Variants in KIF26A observed in about 807,000 individuals in gnomAD.
KIF26A encodes kinesin-like protein KIF26A.
In KIF26A, 74 loss-of-function variants were observed where a neutral mutation model predicts 126.0. That is an observed-to-expected ratio of 0.59 (90% CI 0.49 to 0.71). KIF26A has a LOEUF of 0.71. Among genes scored for constraint, KIF26A ranks in the 30% least tolerant of loss-of-function variants. The probability of loss-of-function intolerance (pLI) is 0.00; values close to 1 mark genes in which losing one functional copy is unlikely to be tolerated. For synonymous variants in KIF26A, 1,445 were observed against 1,232.7 expected (o/e 1.17, Z -3.61); for missense variants, 2,984 against 2,763.3 (o/e 1.08, Z -1.79).
intron 5 of KIF26A, among the ~76,000 whole-genome samples, chr14:104,167,724 G>A (rs2037920335): frequency 6.6e-6 from 1 of 152,270 alleles, no homozygotes; most frequent in East Asian, 1.9e-4. Context: ...GAGTCAGGTG[G>A]GCTCTTTGTG....
Position 104,175,852 on chromosome 14 carries a change from C to A in KIF26A, c.3064C>A (p.Arg1022=). 1.3e-6 allele frequency: 2 copies of A among 1,539,062 alleles called. No homozygotes were observed. The highest frequency in any genetic ancestry group is 2.4e-5 in the South Asian group (2 of 84,162). Residue 1022 remains arginine, a synonymous_variant, in exon 12 of 15, where the codon CGG becomes AGG. Transcript: ENST00000423312. ...GCTCACCACCACAGTGACCCTGCAG[C>A]GGCCAGTGGAGCTCAACGGCGAGGA... ...GLLTTTVTLQ[R]PVELNGEDEL...
At chr14:104,143,972 G>A (rs1024475050) in intron 2 of KIF26A, among the ~76,000 whole-genome samples, 1 of 152,188 alleles carries the variant, frequency 6.6e-6, no homozygotes, top group Admixed American at 6.5e-5. Context: ...CGTGGAGCTC[G>A]GAGCTCCCAG....
chr14:104,155,291 G>C lies in KIF26A; in HGVS notation c.736-2464G>C, dbSNP rs562040967. Among the ~76,000 whole-genome samples, 15 of 152,332 alleles carry C rather than the reference G, an allele frequency of 9.8e-5. No homozygotes were observed. The South Asian group carries it at 2.7e-3, about 27-fold the overall frequency. ...TTTGGGCCTGGAGGGCTCCTAAGAA[G>C]AGAGTTAGCTTGGCATTTCCTAAAC... On this transcript the variant is annotated intron_variant, in intron 3 of 14. Coordinates refer to ENST00000423312, the MANE Select transcript of KIF26A (RefSeq NM_015656.2).
chr14:104,140,340 C>T lies in KIF26A; in HGVS notation c.288+1052C>T, dbSNP rs184477038. On this transcript the variant is annotated intron_variant, in intron 2 of 14. Coordinates refer to ENST00000423312, the MANE Select transcript of KIF26A (RefSeq NM_015656.2). ...GGTGGGGCTGGACCCGCCCTGTCCT[C>T]TGCTCTGGACAGGCTGCAGCCTTGG... Among the ~76,000 whole-genome samples, 1,180 of 152,300 alleles carry T rather than the reference C, an allele frequency of 7.7e-3. 12 individuals are homozygous for T. The highest frequency in any genetic ancestry group is 0.027 in the African/African-American group (1,133 of 41,556).
At chr14:104,138,964 G>T (rs965548234) in intron 1 of KIF26A, 79 bp from the exon 2 acceptor site, 5 of 1,307,180 alleles carry the variant, frequency 3.8e-6, no homozygotes, top group Non-Finnish European at 3.9e-6. Flanking sequence ...AGAGCGTCAC[G>T]CTGGGGCAGG....
In KIF26A at chr14:104,151,944, G is replaced by A; in HGVS notation, c.289-71G>A. 7.3e-7 allele frequency: 1 copy of A among 1,373,480 alleles called. No individual in the cohort carries two copies. The highest frequency in any genetic ancestry group is 1.2e-5 in the South Asian group (1 of 85,706). 85.1% of individuals were successfully genotyped at this position (1,373,480 alleles called of 1,614,324 possible). A position where few individuals can be genotyped will look rare whatever the true frequency, so the allele number is the denominator to read the frequency against. ...TCGCAGCGTCATGGACGGTGAGAGT[G>A]CTGGTGGGCTCTGGGTGCCGGCCCT... On this transcript the variant is annotated intron_variant, in intron 2 of 14. Transcript: ENST00000423312. This position sits in a 1 kb window ranked among gnomAD's most constrained non-coding sequence, Gnocchi z 4.9.
At chr14:104,164,339 C>T (rs901652533) in intron 4 of KIF26A, among the ~76,000 whole-genome samples, 2 of 152,124 alleles carry the variant, frequency 1.3e-5, no homozygotes, top group African/African-American at 2.4e-5. Context: ...CACCCTTCGC[C>T]GGGTGGCATC....
intron 4 of KIF26A, among the ~76,000 whole-genome samples, chr14:104,163,960 C>T (rs542856502): frequency 1.1e-4 from 16 of 152,240 alleles, no homozygotes; most frequent in African/African-American, 3.8e-4. Context: ...CCCGGCTCCA[C>T]GTCTTGCCTG....
At position 104,173,785 on chromosome 14, in the gene KIF26A, T is replaced by G; in HGVS notation, c.1947T>G (p.Ala649=). 1 of 1,607,350 alleles carries G rather than the reference T, an allele frequency of 6.2e-7. No homozygotes were observed. Among genetic ancestry groups the G allele is most frequent in the South Asian group, 1.1e-5 (1 of 90,998 alleles). ...CGGCTGGCAGGGCCGGGGAGGCTGC[T>G]GGGGGTCCCCTGTGTCTGTCCCTGT... ...EAAAGRAGEA[A]GGPLCLSLSA... The change falls in exon 10 of 15, where the codon GCT becomes GCG. Residue 649 remains alanine, a synonymous_variant. Coordinates refer to ENST00000423312, the MANE Select transcript of KIF26A (RefSeq NM_015656.2).
intron 5 of KIF26A, among the ~76,000 whole-genome samples, 159 bp from the exon 6 acceptor site, chr14:104,171,564 C>G (rs926429896): frequency 2.9e-4 from 44 of 152,226 alleles, no homozygotes; most frequent in African/African-American, 1.0e-3. Context: ...GGGATCTGCT[C>G]TCGCCTGGAG....
rs11355128 is a variant in KIF26A, at chr14:104,180,300, TG to T, written c.*514del. The T allele has an allele frequency of 0.54, 82,545 of 152,620 alleles. 23,066 individuals are homozygous for T. The highest frequency in any genetic ancestry group is 0.66 in the African/African-American group (27,159 of 41,380). The allele number at this position is 152,620 out of a possible 1,614,324, so 9.5% of individuals were successfully genotyped here. On this transcript the variant is annotated 3_prime_UTR_variant, in exon 15 of 15. Transcript: ENST00000423312. ...GAGCCCGGGTTGTGGGGGATCTGTGTGGGGTTCTCAACGCAGATCCATCCTG... is the reference window on the plus strand; with the variant it reads ...GAGCCCGGGTTGTGGGGGATCTGTGTGGGTTCTCAACGCAGATCCATCCTG...
intron 2 of KIF26A, among the ~76,000 whole-genome samples, chr14:104,147,671 G>A (rs1404250641): frequency 1.3e-5 from 2 of 152,250 alleles, no homozygotes; most frequent in Non-Finnish European, 2.9e-5. Flanking sequence ...GGACCTGCGA[G>A]GGCTGCTGCC....
rs1349070748 is a variant in KIF26A, at chr14:104,173,880, G to C, written c.2030+12G>C. ...CATGTGCCGTATCGGTGAGTGTAGG[G>C]CCTGGGCAGGTGCCGACCAGGGTGG... On this transcript the variant is annotated intron_variant, in intron 10 of 14. Coordinates refer to ENST00000423312, the MANE Select transcript of KIF26A (RefSeq NM_015656.2). 6.4e-7 allele frequency: 1 copy of C among 1,568,052 alleles called. No individual in the cohort carries two copies. Among genetic ancestry groups the C allele is most frequent in the South Asian group, 1.1e-5 (1 of 87,546 alleles).
Position 104,174,156 on chromosome 14 carries a change from G to T in KIF26A, c.2039G>T (p.Arg680Met). 6.3e-7 allele frequency: 1 copy of T among 1,575,088 alleles called. No homozygotes were observed. The highest frequency in any genetic ancestry group is 1.8e-5 in the Admixed American group (1 of 56,694). Reference sequence around the variant, plus strand: ...ACCGCCTCGACCCGCAGGGACCACAGGCTCACCATGCTGCTGCGTGAATCC... The same window carrying T: ...ACCGCCTCGACCCGCAGGGACCACATGCTCACCATGCTGCTGCGTGAATCC... ...GAKHVPYRDH[R>M]LTMLLRESLA... The change falls in exon 11 of 15, where the codon AGG becomes ATG. Residue 680 changes from arginine (R) to methionine (M), a missense_variant. Physicochemically the swap from Arg to Met is moderately conservative, Grantham distance 91. Coordinates refer to ENST00000423312, the MANE Select transcript of KIF26A (RefSeq NM_015656.2).
Position 104,139,285 on chromosome 14 carries a change from C to T in KIF26A, c.285C>T (p.Leu95=), listed in dbSNP as rs745745209. 52 of 1,505,080 alleles carry T rather than the reference C, an allele frequency of 3.5e-5. No homozygotes were observed. Among genetic ancestry groups the T allele is most frequent in the Non-Finnish European group, 4.4e-5 (50 of 1,126,412 alleles). The allele number at this position is 1,505,080 out of a possible 1,614,324, so 93.2% of individuals were successfully genotyped here. The change falls in exon 2 of 15, where the codon CTC becomes CTT. Residue 95 remains leucine, a synonymous_variant. Transcript: ENST00000423312. The part of the protein sequence containing the change: ...WKLVSGPGTT[L]RDPCLSALLL... ...TGGTCAGCGGGCCCGGGACCACCCT[C>T]CGGGTAAGTGACACTTCCTTAGGCC...
In KIF26A at chr14:104,173,255, G is replaced by C. The variant is rs373964798; in HGVS notation, c.1683+16G>C. ...TGGGGCGCAGGTGCGCCTGCCTACT[G>C]TCCCACCTTGGGGGAGGGGGGCTGC... On this transcript the variant is annotated intron_variant, in intron 8 of 14. Coordinates refer to ENST00000423312, the MANE Select transcript of KIF26A (RefSeq NM_015656.2). 1.2e-6 allele frequency: 2 copies of C among 1,603,504 alleles called. No individual in the cohort carries two copies. Among genetic ancestry groups the C allele is most frequent in the Non-Finnish European group, 8.5e-7 (1 of 1,173,198 alleles).
chr14:104,156,720 G>A lies in KIF26A; in HGVS notation c.736-1035G>A, dbSNP rs968052781. On this transcript the variant is annotated intron_variant, in intron 3 of 14. Transcript: ENST00000423312. ...GAGTGTCCCTCCTGGGTCCCGGGGC[G>A]GCTTGTTCTGCTGACGTGCCGTGCC... Among the ~76,000 whole-genome samples, 6 of 152,174 alleles carry A rather than the reference G, an allele frequency of 3.9e-5. No homozygotes were observed. The South Asian group carries it at 6.2e-4, about 16-fold the overall frequency.
intron 2 of KIF26A, among the ~76,000 whole-genome samples, chr14:104,142,315 C>T (rs1417780308): frequency 1.3e-5 from 2 of 152,122 alleles, no homozygotes; most frequent in Non-Finnish European, 2.9e-5. Context: ...GGGACTCTGG[C>T]CGTGGCTCCT....
At chr14:104,149,659 C>A (rs887378413) in intron 2 of KIF26A, among the ~76,000 whole-genome samples, 57 of 152,328 alleles carry the variant, frequency 3.7e-4, no homozygotes, top group African/African-American at 1.2e-3. Context: ...TCCCTGTTGC[C>A]CCTCTGCCTG....
Sources: gnomAD v4.1 joint callset for allele counts (sites outside exome capture counted in the v4.1 genomes callset) on GRCh38, gnomAD v4.1.1 for gene constraint, Gnocchi (gnomAD v3.1) non-coding constraint, MANE v1.5 for transcripts, NCBI Gene and HGNC (gene_info 2026-07-23, HGNC 2026-07-21) for gene names.